TNC: variants seen among roughly 807,000 people sequenced by gnomAD.
TNC encodes tenascin.
TNC carries 109 observed loss-of-function variants against 202.4 expected under a neutral mutation model. The ratio of observed to expected loss-of-function variants is 0.54; its 90% CI spans 0.46 to 0.63. TNC has a LOEUF of 0.63. Among genes scored for constraint, TNC ranks in the 30% least tolerant of loss-of-function variants. TNC has a pLI of 0.00. For synonymous variants in TNC, 1,007 were observed against 1,089.7 expected (o/e 0.92, Z 1.50); for missense variants, 2,756 against 2,833.3 (o/e 0.97, Z 0.62).
At chr9:115,023,249 A>G (rs190978730) in intron 27 of TNC, among the ~76,000 whole-genome samples, 16 of 152,208 alleles carry the variant, frequency 1.1e-4, no homozygotes, top group African/African-American at 3.4e-4. Context: ...ATGGTGACTA[A>G]CTTCTGTGGA....
intron 1 of TNC, among the ~76,000 whole-genome samples, chr9:115,094,174 C>T (rs1317297626): frequency 2.6e-5 from 4 of 152,158 alleles, no homozygotes; most frequent in Non-Finnish European, 5.9e-5. Context: ...TCGTAGTAGG[C>T]ACTCATTAAA....
chr9:115,063,172 C>T lies in TNC; in HGVS notation c.3778G>A (p.Gly1260Arg). Residue 1260 changes from glycine (G) to arginine (R), a missense_variant, in exon 13 of 28, where the codon GGA (glycine) becomes AGA (arginine). Gly to Arg is a moderately radical substitution (Grantham distance 125, BLOSUM62 -2). This residue lies in a region of TNC where 2,559 missense variants were observed against 2,546.0 expected (regional missense o/e 1.01). Coordinates refer to ENST00000350763, the MANE Select transcript of TNC (RefSeq NM_002160.4). ...CTAACCTCGGTCACTGTGAGGTTTC[C>T]CATATCTGGAACCTCCTCTGCATAA... The part of the protein sequence containing the change: ...EVLTEEVPDM[G>R]NLTVTEVSWD... The T allele has an allele frequency of 6.2e-7, 1 of 1,614,034 alleles. No individual in the cohort carries two copies. The highest frequency in any genetic ancestry group is 1.7e-5 in the Admixed American group (1 of 60,016).
chr9:115,092,997 G>A (rs1835349966), intron 1 of TNC, among the ~76,000 whole-genome samples: 1 of 152,124 alleles, frequency 6.6e-6, no homozygotes, highest in African/African-American at 2.4e-5. Flanking sequence ...GGTGGTGCTT[G>A]GATTATTCAG....
At chr9:115,095,811 A>G (rs1419685587) in intron 1 of TNC, among the ~76,000 whole-genome samples, 2 of 149,760 alleles carry the variant, frequency 1.3e-5, no homozygotes, top group African/African-American at 4.9e-5. Flanking sequence ...ACAATGAAAG[A>G]TAATATATTA....
At chr9:115,035,146 T>G in intron 22 of TNC, 58 bp downstream of exon 22, 1 of 1,524,176 alleles carries the variant, frequency 6.6e-7, no homozygotes, top group Non-Finnish European at 8.8e-7. Context: ...CTTCCATACT[T>G]TGAAGATCAT....
At chr9:115,046,742 C>G (rs1296625135) in intron 16 of TNC, 60 bp from the exon 17 acceptor site, 1 of 1,588,356 alleles carries the variant, frequency 6.3e-7, no homozygotes, top group Non-Finnish European at 8.6e-7. Context: ...CCAGTCCGTG[C>G]AATCTTCTCT....
rs1757095 is a variant in TNC at position 115,086,115 on chromosome 9, T to C, written c.1616A>G (p.Gln539Arg). ...GCACTGCCCATTCACACAGCGACCCTGGCCATGGCAGTCATTTGGACAGGA... is the reference window on the plus strand; with the variant it reads ...GCACTGCCCATTCACACAGCGACCCCGGCCATGGCAGTCATTTGGACAGGA... ...ELSCPNDCHG[Q>R]GRCVNGQCVC... is the part of the protein sequence containing the mutation. Residue 539 changes from glutamine (Q) to arginine (R), a missense_variant, in exon 3 of 28, where the codon CAG becomes CGG. This residue lies in a region of TNC where 2,559 missense variants were observed against 2,546.0 expected (regional missense o/e 1.01). Transcript: ENST00000350763. 1,520,321 of 1,614,142 alleles carry C rather than the reference T, an allele frequency of 0.94. 716,523 individuals are homozygous for C. Among genetic ancestry groups the C allele is most frequent in the East Asian group, 1 (44,864 of 44,880 alleles).
intron 1 of TNC, among the ~76,000 whole-genome samples, chr9:115,095,200 G>A (rs1028173087): frequency 7.2e-5 from 11 of 152,002 alleles, no homozygotes; most frequent in Non-Finnish European, 1.6e-4. Flanking sequence ...AAGTGCATGA[G>A]ATAATGTATG....
At chr9:115,028,650 C>T (rs146082434) in intron 25 of TNC, among the ~76,000 whole-genome samples, 440 of 151,954 alleles carry the variant, frequency 2.9e-3, no homozygotes, top group Admixed American at 4.3e-3. Context: ...AACTGAAAGC[C>T]GAGTCATGGG....
intron 10 of TNC, among the ~76,000 whole-genome samples, chr9:115,069,981 A>G (rs1283477628): frequency 6.6e-6 from 1 of 151,694 alleles, no homozygotes; most frequent in African/African-American, 2.4e-5. Context: ...AGAAGATTCT[A>G]TGGAAATGCT....
chr9:115,042,421 T>G (rs889969013), intron 17 of TNC, 80 bp from the exon 18 acceptor site: 3 of 1,564,804 alleles, frequency 1.9e-6, no homozygotes, highest in South Asian at 2.4e-5. Flanking sequence ...AATTCCTTAT[T>G]TAGGAAAACT....
chr9:115,044,914 A>G (rs1490924811), intron 17 of TNC, among the ~76,000 whole-genome samples: 1 of 152,244 alleles, frequency 6.6e-6, no homozygotes, highest in Non-Finnish European at 1.5e-5. Flanking sequence ...AATATAAAAT[A>G]TCTATCTTTA....
intron 1 of TNC, among the ~76,000 whole-genome samples, chr9:115,103,016 A>G (rs561014206): frequency 2.6e-5 from 4 of 152,350 alleles, no homozygotes; most frequent in African/African-American, 9.6e-5. Context: ...AAGATGTATC[A>G]AGGAATTTGT....
intron 27 of TNC, among the ~76,000 whole-genome samples, chr9:115,022,606 T>C (rs1192605608): frequency 6.6e-6 from 1 of 152,120 alleles, no homozygotes; most frequent in African/African-American, 2.4e-5. Context: ...AACTTTGTAT[T>C]ATACGAGTAT....
chr9:115,039,309 T>C (rs1334450966), intron 19 of TNC, among the ~76,000 whole-genome samples: 1 of 152,148 alleles, frequency 6.6e-6, no homozygotes, highest in Non-Finnish European at 1.5e-5. Context: ...TGCCAAAGGG[T>C]GACTGTTTAG....
Position 115,073,683 on chromosome 9 carries a change from G to C in TNC, c.3134C>G (p.Pro1045Arg). The C allele has an allele frequency of 6.2e-7, 1 of 1,614,136 alleles. No homozygotes were observed. Among genetic ancestry groups the C allele is most frequent in the Non-Finnish European group, 8.5e-7 (1 of 1,180,020 alleles). ...TTSYVLRGLEPGQEYNVLLTA... is the reference protein window; with the variant it reads ...TTSYVLRGLERGQEYNVLLTA... ...CAGGAGGACATTGTACTCCTGTCCT[G>C]GTTCCAGGCCTCTCAGGACATAGGA... The change falls in exon 10 of 28, where the codon CCA becomes CGA. Residue 1045 changes from proline (P) to arginine (R), a missense_variant. This residue lies in a region of TNC where 2,559 missense variants were observed against 2,546.0 expected (regional missense o/e 1.01). Transcript: ENST00000350763.
chr9:115,068,156 T>C (rs1021542645), intron 10 of TNC, among the ~76,000 whole-genome samples: 5 of 152,222 alleles, frequency 3.3e-5, no homozygotes, highest in African/African-American at 1.2e-4. Flanking sequence ...ACTGTGGACT[T>C]ACTGCCCTAG....
chr9:115,108,005 C>T (rs374926936), intron 1 of TNC, among the ~76,000 whole-genome samples: 3 of 152,240 alleles, frequency 2.0e-5, no homozygotes, highest in South Asian at 2.1e-4. Flanking sequence ...TAGATATTGG[C>T]GAGTTTCCGT....
At chr9:115,063,680 C>T (rs1832720071) in intron 12 of TNC, 116 bp downstream of exon 12, 1 of 1,139,328 alleles carries the variant, frequency 8.8e-7, no homozygotes, top group East Asian at 2.4e-5. Flanking sequence ...AGATGATTCA[C>T]TGGTATTTCC....
Sources: allele counts gnomAD v4.1 joint callset (sites outside exome capture counted in the v4.1 genomes callset), GRCh38; gene constraint gnomAD v4.1.1; regional missense constraint gnomAD v4.1.1; transcripts MANE v1.5; gene names NCBI Gene and HGNC (gene_info 2026-07-23, HGNC 2026-07-21).